NDST4: variants seen among roughly 807,000 people sequenced by gnomAD.
NDST4 encodes N-heparan sulfate sulfotransferase 4.
In NDST4, 63 loss-of-function variants were observed where a neutral mutation model predicts 100.8. That is an observed-to-expected ratio of 0.62 (90% CI 0.51 to 0.77). The LOEUF is 0.77. Ranked by LOEUF, NDST4 falls within the 30% of genes least tolerant of loss-of-function variation. The pLI is 0.00. For missense variants in NDST4, 943 were observed against 1,018.4 expected (o/e 0.93, Z 1.01); for synonymous variants, 377 against 361.8 (o/e 1.04, Z -0.48).
chr4:114,889,940 C>G (rs12503383), intron 6 of NDST4, among the ~76,000 whole-genome samples: 151,431 of 152,280 alleles, frequency 0.99, 75,294 homozygotes, highest in Middle Eastern at 1. Flanking sequence ...AATGTGTTTT[C>G]GAAGGTATAA....
chr4:114,952,506 G>A (rs2126232587), intron 4 of NDST4, among the ~76,000 whole-genome samples: 1 of 152,150 alleles, frequency 6.6e-6, no homozygotes, highest in African/African-American at 2.4e-5. Flanking sequence ...AGCAAGTCAA[G>A]GACTTACCAT....
intron 6 of NDST4, among the ~76,000 whole-genome samples, chr4:114,899,657 T>C (rs575732017): frequency 6.6e-6 from 1 of 152,308 alleles, no homozygotes; most frequent in East Asian, 1.9e-4. Context: ...AGTTTTCCAA[T>C]GATGAGCCAG....
intron 2 of NDST4, among the ~76,000 whole-genome samples, chr4:115,010,686 T>C (rs1727523530): frequency 1.3e-5 from 2 of 150,648 alleles, no homozygotes; most frequent in African/African-American, 2.4e-5. Flanking sequence ...TAAAGTATAA[T>C]AATAAAAAAA....
intron 6 of NDST4, among the ~76,000 whole-genome samples, chr4:114,872,350 G>A (rs1488945236): frequency 6.6e-6 from 1 of 151,862 alleles, no homozygotes; most frequent in Non-Finnish European, 1.5e-5. Context: ...TTGATAAAAT[G>A]GTTTTACTTG....
chr4:114,932,394 T>C (rs1360290005), intron 6 of NDST4, among the ~76,000 whole-genome samples: 1 of 151,972 alleles, frequency 6.6e-6, no homozygotes, highest in Non-Finnish European at 1.5e-5. Flanking sequence ...ATATCATCTT[T>C]AGTGGTGCAA....
intron 6 of NDST4, among the ~76,000 whole-genome samples, chr4:114,880,218 T>C (rs1724337423): frequency 6.6e-6 from 1 of 152,174 alleles, no homozygotes; most frequent in African/African-American, 2.4e-5. Flanking sequence ...AACCGTACAG[T>C]TGTTGCATAT....
At chr4:114,986,832 A>ATATATATATTTTT in intron 2 of NDST4, among the ~76,000 whole-genome samples, 18 of 94,654 alleles carry the variant, frequency 1.9e-4, no homozygotes, top group East Asian at 7.2e-4. Context: ...ATATATATAT[A>ATATATATATTTTT]TTTTAATATA....
chr4:115,027,090 T>C (rs779882222), intron 2 of NDST4, among the ~76,000 whole-genome samples: 1 of 152,134 alleles, frequency 6.6e-6, no homozygotes, highest in Non-Finnish European at 1.5e-5. Context: ...CATGGGTTCT[T>C]TGAAGTTTAT....
At chr4:114,842,635 A>AAAAAG (rs1723452430) in intron 10 of NDST4, 1 of 273,792 alleles carries the variant, frequency 3.7e-6, no homozygotes, top group Admixed American at 4.8e-5. Context: ...AAAAAAAAAA[A>AAAAAG]AAAAAAAAAA....
At chr4:114,981,605 C>T (rs1726774432) in intron 2 of NDST4, among the ~76,000 whole-genome samples, 1 of 152,094 alleles carries the variant, frequency 6.6e-6, no homozygotes, top group Non-Finnish European at 1.5e-5. Context: ...AAAATGAAAA[C>T]AAAAATCTGT....
At chr4:114,979,760 AAG>A (rs1482101658) in intron 2 of NDST4, among the ~76,000 whole-genome samples, 1 of 152,096 alleles carries the variant, frequency 6.6e-6, no homozygotes, top group Non-Finnish European at 1.5e-5. Context: ...TGTTGAAAAA[AAG>A]AGCTATCTAG....
intron 1 of NDST4, among the ~76,000 whole-genome samples, chr4:115,109,046 A>T (rs80049894): frequency 0.031 from 4,645 of 151,614 alleles, 101 homozygotes; most frequent in Middle Eastern, 0.092. Flanking sequence ...GAAGGAAGGA[A>T]GGAAGAAAGG....
intron 7 of NDST4, among the ~76,000 whole-genome samples, chr4:114,862,507 G>A (rs1346362417): frequency 1.3e-5 from 2 of 152,084 alleles, no homozygotes; most frequent in African/African-American, 4.8e-5. Flanking sequence ...TTTATGCTTA[G>A]CAAAGGTAGA....
At chr4:115,099,868 A>G (rs1441438551) in intron 1 of NDST4, among the ~76,000 whole-genome samples, 1 of 152,168 alleles carries the variant, frequency 6.6e-6, no homozygotes, top group African/African-American at 2.4e-5. Flanking sequence ...CAGATGTTTT[A>G]TTGCAGCTTT....
At chr4:115,083,305 A>G (rs1455345937) in intron 1 of NDST4, among the ~76,000 whole-genome samples, 3 of 151,956 alleles carry the variant, frequency 2.0e-5, no homozygotes, top group Non-Finnish European at 4.4e-5. Flanking sequence ...AAAAAAGAAA[A>G]CAAATTAGGC....
intron 12 of NDST4, among the ~76,000 whole-genome samples, chr4:114,832,797 T>C (rs1342826141): frequency 1.3e-5 from 2 of 152,230 alleles, no homozygotes; most frequent in Non-Finnish European, 2.9e-5. Flanking sequence ...CTTGACTTAT[T>C]GCTCCCTCTT....
intron 2 of NDST4, among the ~76,000 whole-genome samples, chr4:115,056,671 T>TA (rs1308702131): frequency 6.6e-6 from 1 of 152,118 alleles, no homozygotes; most frequent in Non-Finnish European, 1.5e-5. Flanking sequence ...TGTTTCTCCA[T>TA]AAAACCAAAC....
intron 2 of NDST4, among the ~76,000 whole-genome samples, chr4:115,058,992 C>T (rs2126282475): frequency 6.6e-6 from 1 of 151,812 alleles, no homozygotes; most frequent in Non-Finnish European, 1.5e-5. Context: ...CACACACACA[C>T]ACACACACAC....
At chr4:114,867,645 A>AT (rs201563113) in intron 7 of NDST4, among the ~76,000 whole-genome samples, 6,655 of 121,574 alleles carry the variant, frequency 0.055, 281 homozygotes, top group East Asian at 0.092. Context: ...AATGAGAATT[A>AT]TAAAAAAAAA....
Sources: allele counts gnomAD v4.1 joint callset (sites outside exome capture counted in the v4.1 genomes callset), GRCh38; gene constraint gnomAD v4.1.1; transcripts MANE v1.5; gene names NCBI Gene and HGNC (gene_info 2026-07-23, HGNC 2026-07-21).